GIGYF2: variants seen among roughly 807,000 people sequenced by gnomAD.
GIGYF2 encodes the protein GRB10-interacting GYF protein 2.
A neutral mutation model predicts 208.1 loss-of-function variants in GIGYF2; 25 were observed. The ratio of observed to expected loss-of-function variants is 0.12; its 90% CI spans 0.09 to 0.17. GIGYF2 has a LOEUF of 0.17. Ranked by LOEUF, GIGYF2 falls within the 10% of genes least tolerant of loss-of-function variation. GIGYF2 has a pLI of 1.00. For synonymous variants in GIGYF2, 534 were observed against 543.8 expected (o/e 0.98, Z 0.25); for missense variants, 1,302 against 1,579.4 (o/e 0.82, Z 2.98).
At chr2:232,822,376 A>T (rs1279564242) in intron 21 of GIGYF2, among the ~76,000 whole-genome samples, 1 of 152,052 alleles carries the variant, frequency 6.6e-6, no homozygotes. Flanking sequence ...TTATGAGTGG[A>T]ATTTTAAAAG....
At chr2:232,713,862 T>G (rs1183440100) in intron 2 of GIGYF2, among the ~76,000 whole-genome samples, 1 of 152,228 alleles carries the variant, frequency 6.6e-6, no homozygotes, top group African/African-American at 2.4e-5. Context: ...TTTATCATCC[T>G]TGATGTTGAC....
intron 22 of GIGYF2, among the ~76,000 whole-genome samples, chr2:232,836,918 C>T (rs1391882730): frequency 6.6e-6 from 1 of 152,186 alleles, no homozygotes; most frequent in Non-Finnish European, 1.5e-5. Flanking sequence ...CTGTTTCCTA[C>T]ACCACTACCC....
At chr2:232,709,516 A>T (rs1696283551) in intron 2 of GIGYF2, among the ~76,000 whole-genome samples, 1 of 151,998 alleles carries the variant, frequency 6.6e-6, no homozygotes, top group Non-Finnish European at 1.5e-5. Context: ...ACTTTTTAAA[A>T]TTTTTTCATA....
chr2:232,808,157 C>T (rs879587351), intron 15 of GIGYF2, among the ~76,000 whole-genome samples: 8 of 152,124 alleles, frequency 5.3e-5, no homozygotes, highest in African/African-American at 1.4e-4. Context: ...TGGAAGATTC[C>T]TAGGTGAGAG....
chr2:232,826,146 A>G (rs1701239845), intron 21 of GIGYF2, among the ~76,000 whole-genome samples: 1 of 152,194 alleles, frequency 6.6e-6, no homozygotes, highest in Non-Finnish European at 1.5e-5. Flanking sequence ...GCTATTCTGA[A>G]TAGTGGCCGA....
intron 2 of GIGYF2, among the ~76,000 whole-genome samples, chr2:232,712,969 C>T (rs1696495915): frequency 6.6e-6 from 1 of 152,070 alleles, no homozygotes; most frequent in Non-Finnish European, 1.5e-5. Flanking sequence ...TTCTATGAAC[C>T]TCCACCATCC....
Position 232,799,903 on chromosome 2 carries a change from A to G in GIGYF2, c.1639+3682A>G, listed in dbSNP as rs142944220. Among the ~76,000 whole-genome samples the G allele has an allele frequency of 8.7e-3, 1,313 of 151,098 alleles. 35 individuals are homozygous for G. The highest frequency in any genetic ancestry group is 0.054 in the Admixed American group (824 of 15,198). ...ATGTTAAGCATCTTTTCATGTGCTT[A>G]TTAGCCATTTGTATACCTTCTTTGG... On this transcript the variant is annotated intron_variant, in intron 14 of 28. Transcript: ENST00000373563.
chr2:232,770,506 T>C (rs1267751654), intron 8 of GIGYF2, among the ~76,000 whole-genome samples: 1 of 152,232 alleles, frequency 6.6e-6, no homozygotes, highest in Non-Finnish European at 1.5e-5. Context: ...CAAATTCTTT[T>C]GTTAGGTAAA....
chr2:232,729,928 C>A, intron 2 of GIGYF2: 1 of 736,188 alleles, frequency 1.4e-6, no homozygotes, highest in Non-Finnish European at 2.5e-6. Context: ...TCTTTAGCTC[C>A]TCTTCCTATA....
intron 3 of GIGYF2, among the ~76,000 whole-genome samples, chr2:232,744,061 G>T (rs1698061856): frequency 6.6e-6 from 1 of 152,024 alleles, no homozygotes; most frequent in Non-Finnish European, 1.5e-5. Flanking sequence ...GCCTGGACTG[G>T]TCTCAAACTC....
chr2:232,840,560 CAT>C (rs1701785523), intron 23 of GIGYF2, among the ~76,000 whole-genome samples: 1 of 151,994 alleles, frequency 6.6e-6, no homozygotes, highest in Admixed American at 6.6e-5. Context: ...TCATTCAACA[CAT>C]GTTTACTGAG....
At chr2:232,854,086 C>T (rs892090136) in intron 28 of GIGYF2, among the ~76,000 whole-genome samples, 1 of 152,094 alleles carries the variant, frequency 6.6e-6, no homozygotes, top group African/African-American at 2.4e-5. Flanking sequence ...TTTATCTGTT[C>T]TTAAGATACA....
At chr2:232,819,424 T>A (rs1483187745) in intron 20 of GIGYF2, among the ~76,000 whole-genome samples, 1 of 152,108 alleles carries the variant, frequency 6.6e-6, no homozygotes, top group Non-Finnish European at 1.5e-5. Context: ...ACCCCAAATT[T>A]TTGGTGGCTA....
chr2:232,817,740 GTGTTTATCCATTCCTATTT>G (rs1446152297), intron 20 of GIGYF2, among the ~76,000 whole-genome samples: 1 of 152,148 alleles, frequency 6.6e-6, no homozygotes, highest in African/African-American at 2.4e-5. Context: ...ATTCCATTGT[GTGTTTATCCATTCCTATTT>G]TGTTTATCCA....
At chr2:232,851,512 C>T (rs965042952) in intron 28 of GIGYF2, among the ~76,000 whole-genome samples, 4 of 152,036 alleles carry the variant, frequency 2.6e-5, no homozygotes, top group Non-Finnish European at 4.4e-5. Context: ...CTCTGCCTCC[C>T]GGGTTCAAGC....
chr2:232,809,653 C>T lies in GIGYF2; in HGVS notation c.1807-67C>T, dbSNP rs996531857. On this transcript the variant is annotated intron_variant, in intron 15 of 28. Transcript: ENST00000373563. ...TTCATTTTGATTTCAGATACCTGTA[C>T]TAAGTGGCTTTTAGGTTCTTTGCAG... is the stretch of plus-strand genomic sequence containing the variant. The T allele has an allele frequency of 5.5e-5, 48 of 874,296 alleles. No individual in the cohort carries two copies. In the Middle Eastern group the frequency reaches 6.5e-4, roughly 12 times the overall value. The allele number at this position is 874,296 out of a possible 1,614,324, so 54.2% of individuals were successfully genotyped here. A position where few individuals can be genotyped will look rare whatever the true frequency, so the allele number is the denominator to read the frequency against.
chr2:232,729,675 T>G, intron 2 of GIGYF2: 1 of 866,950 alleles, frequency 1.2e-6, no homozygotes, highest in Non-Finnish European at 1.9e-6. Flanking sequence ...TGAACTAGTT[T>G]AGATGAGCCC....
At chr2:232,828,498 A>G (rs192382778) in intron 21 of GIGYF2, among the ~76,000 whole-genome samples, 6 of 151,768 alleles carry the variant, frequency 4.0e-5, no homozygotes, top group African/African-American at 1.5e-4. Context: ...TGTTGCCCAC[A>G]GTGAAGTGCA....
chr2:232,781,585 A>G (rs1437517444), intron 8 of GIGYF2, among the ~76,000 whole-genome samples: 2 of 152,024 alleles, frequency 1.3e-5, no homozygotes, highest in Non-Finnish European at 2.9e-5. Flanking sequence ...AGGAGCATGC[A>G]TTTTGAAATC....
Sources: gnomAD v4.1 joint callset for allele counts (sites outside exome capture counted in the v4.1 genomes callset) on GRCh38, gnomAD v4.1.1 for gene constraint, MANE v1.5 for transcripts, NCBI Gene and HGNC (gene_info 2026-07-23, HGNC 2026-07-21) for gene names.